STIM1: variants seen among roughly 807,000 people sequenced by gnomAD.
STIM1 encodes stromal interaction molecule 1.
STIM1 carries 25 observed loss-of-function variants against 74.7 expected under a neutral mutation model. The observed-to-expected ratio is 0.33, with a 90% CI of 0.24 to 0.47. The LOEUF is 0.47. Ranked by LOEUF, STIM1 falls within the 20% of genes least tolerant of loss-of-function variation. The probability of loss-of-function intolerance (pLI) is 1.00; values close to 1 mark genes in which losing one functional copy is unlikely to be tolerated. For missense variants in STIM1, 728 were observed against 920.8 expected (o/e 0.79, Z 2.71); for synonymous variants, 328 against 348.8 (o/e 0.94, Z 0.66).
chr11:3,972,436 A>G (rs1018130088), intron 2 of STIM1, among the ~76,000 whole-genome samples: 2 of 152,068 alleles, frequency 1.3e-5, no homozygotes, highest in Non-Finnish European at 2.9e-5. Flanking sequence ...TTATAGTTTT[A>G]TCTCTTCTTT....
chr11:4,007,359 G>A (rs1439279288), intron 2 of STIM1, among the ~76,000 whole-genome samples: 1 of 152,098 alleles, frequency 6.6e-6, no homozygotes, highest in African/African-American at 2.4e-5. Flanking sequence ...ATCACCTTTC[G>A]TTACTTTTAA....
At chr11:4,081,810 T>G (rs2094467056) in intron 7 of STIM1, among the ~76,000 whole-genome samples, 1 of 152,236 alleles carries the variant, frequency 6.6e-6, no homozygotes, top group Non-Finnish European at 1.5e-5. Flanking sequence ...CTGTGATGTC[T>G]TGAAGTCTAA....
At chr11:3,917,474 G>C (rs766506731) in intron 1 of STIM1, among the ~76,000 whole-genome samples, 1 of 147,638 alleles carries the variant, frequency 6.8e-6, no homozygotes, top group African/African-American at 2.5e-5. Context: ...TGGCTCTGTC[G>C]GCCAGGCTGG....
chr11:4,053,677 A>G (rs762459156), intron 3 of STIM1, among the ~76,000 whole-genome samples: 4 of 152,122 alleles, frequency 2.6e-5, no homozygotes, highest in Admixed American at 6.5e-5. Flanking sequence ...ACATGTATAG[A>G]TATGTAAAAA....
chr11:3,993,206 G>C (rs1171672051), intron 2 of STIM1, among the ~76,000 whole-genome samples: 1 of 152,030 alleles, frequency 6.6e-6, no homozygotes, highest in Non-Finnish European at 1.5e-5. Context: ...TCTCCTCTCT[G>C]ACTTATATTC....
At chr11:4,071,504 G>C (rs1191644368) in intron 6 of STIM1, among the ~76,000 whole-genome samples, 1 of 151,876 alleles carries the variant, frequency 6.6e-6, no homozygotes, top group Non-Finnish European at 1.5e-5. Flanking sequence ...CACCATGCCT[G>C]GCTAATTTTT....
intron 1 of STIM1, among the ~76,000 whole-genome samples, chr11:3,890,687 G>A (rs1482385082): frequency 1.3e-5 from 2 of 152,058 alleles, no homozygotes; most frequent in African/African-American, 4.8e-5. Context: ...CAGCCTGGGT[G>A]ATGGAGCAAG....
At chr11:3,928,726 T>C (rs995581251) in intron 1 of STIM1, among the ~76,000 whole-genome samples, 2 of 152,144 alleles carry the variant, frequency 1.3e-5, no homozygotes, top group East Asian at 1.9e-4. Flanking sequence ...CTCTTGAGTC[T>C]TCCTCAAGGG....
chr11:4,035,446 T>A (rs2094091065), intron 3 of STIM1, among the ~76,000 whole-genome samples: 1 of 152,142 alleles, frequency 6.6e-6, no homozygotes, highest in Non-Finnish European at 1.5e-5. Context: ...CTTTTTGCCC[T>A]GGAAATGCAT....
At chr11:3,900,252 A>G (rs1039093547) in intron 1 of STIM1, among the ~76,000 whole-genome samples, 14 of 152,126 alleles carry the variant, frequency 9.2e-5, no homozygotes, top group Non-Finnish European at 1.8e-4. Flanking sequence ...TGCGGGATAC[A>G]ATCTCCTGGT....
intron 2 of STIM1, among the ~76,000 whole-genome samples, chr11:4,018,472 A>AAC (rs2093922813): frequency 6.8e-6 from 1 of 146,072 alleles, no homozygotes; most frequent in East Asian, 2.0e-4. Context: ...AAAAAAAAAA[A>AAC]AAAAAAAAAA....
At chr11:4,024,864 G>A (rs975183358) in intron 3 of STIM1, among the ~76,000 whole-genome samples, 3 of 152,138 alleles carry the variant, frequency 2.0e-5, no homozygotes, top group Admixed American at 1.3e-4. Flanking sequence ...ACTTGACAGG[G>A]AAGGGGAAAA....
intron 1 of STIM1, among the ~76,000 whole-genome samples, chr11:3,922,393 C>G (rs559978537): frequency 6.6e-6 from 1 of 152,012 alleles, no homozygotes; most frequent in African/African-American, 2.4e-5. Flanking sequence ...TTTGTTCAAG[C>G]CTTTTTGCCC....
In STIM1 at chr11:4,065,092, G is replaced by GCCTA. The variant is rs1273488137; in HGVS notation, c.614-4932_614-4929dup. On this transcript the variant is annotated intron_variant, in intron 5 of 12. Coordinates refer to ENST00000526596, the MANE Select transcript of STIM1 (RefSeq NM_001382567.1). ...CTACTATTTTTAATTTTTAATGTGT[G>GCCTA]CCTACAGTGTGCTTAGTCCTGGGCT... Among the ~76,000 whole-genome samples the GCCTA allele has an allele frequency of 4.6e-5, 7 of 152,178 alleles. No homozygotes were observed. In the South Asian group the frequency reaches 1.4e-3, roughly 31 times the overall value.
chr11:4,080,787 T>C (rs147341460), intron 7 of STIM1, among the ~76,000 whole-genome samples: 1 of 152,354 alleles, frequency 6.6e-6, no homozygotes, highest in Non-Finnish European at 1.5e-5. Flanking sequence ...TTGAGCCTTG[T>C]AGGCCTGCCC....
intron 1 of STIM1, among the ~76,000 whole-genome samples, chr11:3,946,512 T>C (rs2093075862): frequency 6.6e-6 from 1 of 152,156 alleles, no homozygotes; most frequent in African/African-American, 2.4e-5. Flanking sequence ...ATTCTTAGCA[T>C]TTCTGGCCTT....
At chr11:3,914,729 C>T (rs575800017) in intron 1 of STIM1, among the ~76,000 whole-genome samples, 139 of 152,272 alleles carry the variant, frequency 9.1e-4, no homozygotes, top group African/African-American at 3.0e-3. Flanking sequence ...CGTGAGCTAC[C>T]GCCCCTGGCC....
intron 1 of STIM1, among the ~76,000 whole-genome samples, chr11:3,966,470 G>C (rs542961739): frequency 2.3e-4 from 35 of 152,074 alleles, no homozygotes; most frequent in African/African-American, 8.5e-4. Flanking sequence ...TCTAAAAGGC[G>C]TCACAACCAC....
intron 5 of STIM1, among the ~76,000 whole-genome samples, chr11:4,067,963 C>A (rs922496572): frequency 3.9e-5 from 6 of 152,166 alleles, no homozygotes; most frequent in Admixed American, 2.0e-4. Context: ...GAATCATCTT[C>A]TTTTATCAAG....
Sources: allele counts gnomAD v4.1 joint callset (sites outside exome capture counted in the v4.1 genomes callset), GRCh38; gene constraint gnomAD v4.1.1; transcripts MANE v1.5; gene names NCBI Gene and HGNC (gene_info 2026-07-23, HGNC 2026-07-21).